The following RAB9B variants were observed in gnomAD, a reference collection of about 807,000 sequenced individuals.
RAB9B encodes the protein RAB9B, member RAS oncogene family, also known as ras-related protein Rab-9B.
A neutral mutation model predicts 8.9 loss-of-function variants in RAB9B; 1 was observed. That is an observed-to-expected ratio of 0.11 (90% CI 0.04 to 0.53). RAB9B has a LOEUF of 0.53. RAB9B is among the 20% of genes least tolerant of loss of function. The pLI, the probability that RAB9B is intolerant of heterozygous loss-of-function variation, is 0.93. For missense variants in RAB9B, 82 were observed against 152.9 expected (o/e 0.54, Z 2.45); for synonymous variants, 63 against 57.0 (o/e 1.10, Z -0.47).
In RAB9B at chrX:103,823,231, A is replaced by G. The variant is rs2074669513; in HGVS notation, c.*1948T>C. 2 of 111,852 alleles carry G rather than the reference A, an allele frequency of 1.8e-5. No individual in the cohort carries two copies. Among genetic ancestry groups the G allele is most frequent in the Non-Finnish European group, 3.8e-5 (2 of 53,183 alleles). 9.2% of individuals were successfully genotyped at this position (111,852 alleles called of 1,213,427 possible). On this transcript the variant is annotated 3_prime_UTR_variant, in exon 3 of 3. Transcript: ENST00000243298. Reference sequence around the variant, plus strand: ...ATGATTGTAGCAAAATGATCACAGAACTTGGAAACCAGTGTGGCTGGCTAT... The same window carrying G: ...ATGATTGTAGCAAAATGATCACAGAGCTTGGAAACCAGTGTGGCTGGCTAT...
At chrX:103,826,912 T>G (rs2074685417) in intron 2 of RAB9B, 93 bp downstream of exon 2, 2 of 111,847 alleles carry the variant, frequency 1.8e-5, no homozygotes, top group Admixed American at 1.9e-4. Context: ...GGAATGCCTA[T>G]GTACTAGCTA....
At chrX:103,778,764 G>A in the RAB9B span, among the ~76,000 whole-genome samples, 2 of 111,739 alleles carry the variant, frequency 1.8e-5, no homozygotes, top group Admixed American at 9.5e-5. Flanking sequence ...CAATAACAGA[G>A]TATCTAAAGT....
At chrX:103,806,489 A>G in the RAB9B span, among the ~76,000 whole-genome samples, 12 of 111,666 alleles carry the variant, frequency 1.1e-4, no homozygotes, top group African/African-American at 3.6e-4. Flanking sequence ...TTTAAAGTTT[A>G]TTGAGACTTT....
chrX:103,779,499 A>G, the RAB9B span, among the ~76,000 whole-genome samples: 1 of 112,310 alleles, frequency 8.9e-6, no homozygotes, highest in Non-Finnish European at 1.9e-5. Flanking sequence ...GATCCCAGCC[A>G]GCATGTTCAC....
chrX:103,787,953 T>C, the RAB9B span: 346,184 of 1,206,198 alleles, frequency 0.29, 35,090 homozygotes, highest in Admixed American at 0.38. Flanking sequence ...TCTGTGCTGA[T>C]GCCAGAATGT....
the RAB9B span, among the ~76,000 whole-genome samples, chrX:103,784,965 G>A: frequency 1.8e-5 from 2 of 112,312 alleles, no homozygotes; most frequent in African/African-American, 3.2e-5. Flanking sequence ...TAAGAAAGAA[G>A]GGACTGATTT....
chrX:103,809,071 G>A, the RAB9B span, among the ~76,000 whole-genome samples: 3 of 112,074 alleles, frequency 2.7e-5, no homozygotes, highest in African/African-American at 9.7e-5. Flanking sequence ...GAGGTAATTA[G>A]GTTTAGATGA....
intron 1 of RAB9B, among the ~76,000 whole-genome samples, chrX:103,827,707 C>T (rs1439395320): frequency 8.9e-6 from 1 of 111,958 alleles, no homozygotes; most frequent in Non-Finnish European, 1.9e-5. Context: ...CATTCTGTCA[C>T]CCAGGCTGGA....
chrX:103,777,096 T>C, the RAB9B span: 2 of 714,762 alleles, frequency 2.8e-6, no homozygotes, highest in South Asian at 4.5e-5. Flanking sequence ...ATGGTTTAAA[T>C]GAGTCGTGTT....
At chrX:103,803,032 T>C in the RAB9B span, among the ~76,000 whole-genome samples, 1 of 112,268 alleles carries the variant, frequency 8.9e-6, no homozygotes, top group African/African-American at 3.2e-5. Flanking sequence ...AAATAATATA[T>C]ATTTCAATTG....
At chrX:103,827,682 T>C (rs1241937524) in intron 1 of RAB9B, among the ~76,000 whole-genome samples, 1 of 112,257 alleles carries the variant, frequency 8.9e-6, no homozygotes, top group Admixed American at 9.5e-5. Context: ...ATTTTTTAAA[T>C]TTGAGACAAG....
downstream of RAB9B, among the ~76,000 whole-genome samples, chrX:103,819,342 C>A (rs1339592941): frequency 4.5e-5 from 5 of 111,672 alleles, no homozygotes; most frequent in Non-Finnish European, 9.4e-5. Context: ...ACGAAAGGAA[C>A]TGACAGATTA....
chrX:103,822,397 T>C lies in RAB9B; in HGVS notation c.*2782A>G, dbSNP rs997171792. 1.8e-5 allele frequency: 2 copies of C among 112,142 alleles called. No homozygotes were observed. Among genetic ancestry groups the C allele is most frequent in the Non-Finnish European group, 3.8e-5 (2 of 53,250 alleles). The allele number at this position is 112,142 out of a possible 1,213,427, so 9.2% of individuals were successfully genotyped here. Reference sequence around the variant, plus strand: ...ATTTTTTACAGTTGAAAGAAAATATTTGATACACAATTTTGAGTTTTTTTT... The same window carrying C: ...ATTTTTTACAGTTGAAAGAAAATATCTGATACACAATTTTGAGTTTTTTTT... On this transcript the variant is annotated 3_prime_UTR_variant, in exon 3 of 3. Transcript: ENST00000243298.
the RAB9B span, chrX:103,786,558 C>T: frequency 4.1e-6 from 5 of 1,211,396 alleles, no homozygotes; most frequent in Admixed American, 2.2e-5. Context: ...ACACCACCGG[C>T]GCAGTCAGGC....
At chrX:103,826,580 T>G in intron 2 of RAB9B, among the ~76,000 whole-genome samples, 1 of 112,350 alleles carries the variant, frequency 8.9e-6, no homozygotes, top group African/African-American at 3.2e-5. Flanking sequence ...CTGCAAAATT[T>G]AAAGTGCTAA....
chrX:103,816,329 G>A, the RAB9B span, among the ~76,000 whole-genome samples: 1 of 111,890 alleles, frequency 8.9e-6, no homozygotes, highest in Non-Finnish European at 1.9e-5. Context: ...AAGAAATGGG[G>A]AAAGGATTCC....
At chrX:103,786,621 G>A in the RAB9B span, 2 of 1,211,429 alleles carry the variant, frequency 1.7e-6, no homozygotes, top group Non-Finnish European at 2.2e-6. Flanking sequence ...TGAGCGCAAC[G>A]GTAACAGGGG....
intron 1 of RAB9B, among the ~76,000 whole-genome samples, chrX:103,827,963 G>C (rs1248711585): frequency 4.5e-5 from 5 of 111,984 alleles, no homozygotes; most frequent in Non-Finnish European, 7.5e-5. Context: ...CGCTGTACCT[G>C]GCAGTTCATC....
the RAB9B span, among the ~76,000 whole-genome samples, chrX:103,796,899 T>A: frequency 1.0e-5 from 1 of 96,061 alleles, no homozygotes; most frequent in East Asian, 3.3e-4. Flanking sequence ...TGGTACCTAG[T>A]GCCTGTAGTC....
Sources: gnomAD v4.1 joint callset for allele counts (sites outside exome capture counted in the v4.1 genomes callset) on GRCh38, gnomAD v4.1.1 for gene constraint, MANE v1.5 for transcripts, NCBI Gene and HGNC (gene_info 2026-07-23, HGNC 2026-07-21) for gene names.